DOT1L: variants seen among roughly 807,000 people sequenced by gnomAD.
DOT1L encodes DOT1 like histone lysine methyltransferase.
A neutral mutation model predicts 153.3 loss-of-function variants in DOT1L; 33 were observed. The observed-to-expected ratio is 0.22, with a 90% confidence interval of 0.16 to 0.29. The LOEUF is 0.29. Among genes scored for constraint, DOT1L ranks in the 10% least tolerant of loss-of-function variants. The probability of loss-of-function intolerance (pLI) is 1.00; values close to 1 mark genes in which losing one functional copy is unlikely to be tolerated. For missense variants in DOT1L, 1,847 were observed against 2,119.9 expected (o/e 0.87, Z 2.53); for synonymous variants, 1,135 against 965.1 (o/e 1.18, Z -3.26).
In DOT1L at chr19:2,227,173, G is replaced by T. The variant is rs1451982321; in HGVS notation, c.4606+46G>T. On this transcript the variant is annotated intron_variant, in intron 27 of 27. Coordinates refer to ENST00000398665, the MANE Select transcript of DOT1L (RefSeq NM_032482.3). ...TCCGCCCCCCGCCCCGGCCCCCGCC[G>T]GAGGCCCCTTCCTTTGCAGGTTCCC... 1.9e-6 allele frequency: 3 copies of T among 1,577,974 alleles called. No homozygotes were observed. The African/African-American group carries it at 4.1e-5, about 21-fold the overall frequency.
At chr19:2,196,143 A>T (rs889647406) in intron 7 of DOT1L, among the ~76,000 whole-genome samples, 1 of 152,190 alleles carries the variant, frequency 6.6e-6, no homozygotes, top group Non-Finnish European at 1.5e-5. Context: ...CCCTGTCCCC[A>T]GCTCAGACCC....
intron 6 of DOT1L, among the ~76,000 whole-genome samples, chr19:2,194,249 C>T (rs1198018826): frequency 6.6e-6 from 1 of 152,184 alleles, no homozygotes. Context: ...CGGCTCACTG[C>T]AAGCTCCGCC....
Position 2,221,991 on chromosome 19 carries a change from G to T in DOT1L, c.2822G>T (p.Gly941Val). 1 of 1,608,442 alleles carries T rather than the reference G, an allele frequency of 6.2e-7. No individual in the cohort carries two copies. ...ALAPAGFSYA[G>V]SVAISGALAG... ...TTCCCGGCAGGCTTCTCCTACGCTG[G>T]CTCGGTGGCCATCAGCGGGGCCTTG... The change falls in exon 24 of 28, where the codon GGC becomes GTC. Residue 941 changes from glycine (G) to valine (V), a missense_variant. By Grantham distance (109) the Gly-to-Val change is moderately radical. Transcript: ENST00000398665.
chr19:2,177,067 G>A (rs911786789), intron 1 of DOT1L, among the ~76,000 whole-genome samples: 7 of 152,308 alleles, frequency 4.6e-5, no homozygotes, highest in Middle Eastern at 3.4e-3. Context: ...CAGTGCTTCC[G>A]GCTGCACCCT....
In DOT1L at chr19:2,207,708, A is replaced by G. The variant is rs927687461; in HGVS notation, c.963+28A>G. 6.9e-6 allele frequency: 11 copies of G among 1,584,702 alleles called. No homozygotes were observed. Among genetic ancestry groups the G allele is most frequent in the Non-Finnish European group, 8.6e-6 (10 of 1,164,070 alleles). ...GAGTATCTCGCTGCGCCTCAGCCGCAGGGCCGTCCTGGTCTTCCACCCCGC... is the reference window on the plus strand; with the variant it reads ...GAGTATCTCGCTGCGCCTCAGCCGCGGGGCCGTCCTGGTCTTCCACCCCGC... On this transcript the variant is annotated intron_variant, in intron 11 of 27. Transcript: ENST00000398665. The surrounding 1 kb of genome is among the most constrained non-coding windows in gnomAD (Gnocchi z 4.5).
chr19:2,176,458 A>G (rs1005806571), intron 1 of DOT1L, among the ~76,000 whole-genome samples: 1 of 152,226 alleles, frequency 6.6e-6, no homozygotes, highest in African/African-American at 2.4e-5. Context: ...ACTCATTTTT[A>G]GAAGTACACT....
At chr19:2,199,756 TG>T in intron 7 of DOT1L, 127 bp from the exon 8 acceptor site, 1 of 1,262,986 alleles carries the variant, frequency 7.9e-7, no homozygotes, top group Non-Finnish European at 1.1e-6. Flanking sequence ...CGGTGGGGCC[TG>T]GGCCTCCTCC....
chr19:2,169,357 G>C (rs575388606), intron 1 of DOT1L, among the ~76,000 whole-genome samples: 1 of 152,226 alleles, frequency 6.6e-6, no homozygotes, highest in South Asian at 2.1e-4. Context: ...AGGAATAATA[G>C]AAAAAACCCA....
At chr19:2,227,152 CCCCCCGCCCCGG>C (rs1451745110) in intron 27 of DOT1L, 25 bp downstream of exon 27, 24 of 1,560,520 alleles carry the variant, frequency 1.5e-5, no homozygotes, top group South Asian at 3.5e-5. Context: ...CGTCCGTCCG[CCCCCCGCCCCGG>C]CCCCCGCCGG....
chr19:2,203,755 A>C (rs1478530148), intron 9 of DOT1L, among the ~76,000 whole-genome samples: 1 of 152,232 alleles, frequency 6.6e-6, no homozygotes, highest in African/African-American at 2.4e-5. Context: ...AGCCCCTGCC[A>C]GCCCTCCAGC....
chr19:2,198,715 C>G (rs536277147), intron 7 of DOT1L, among the ~76,000 whole-genome samples: 5 of 152,300 alleles, frequency 3.3e-5, no homozygotes, highest in South Asian at 4.1e-4. Flanking sequence ...CAGGTGCCCT[C>G]ACCCCCAACT....
Position 2,226,678 on chromosome 19 carries a change from G to A in DOT1L, c.4157G>A (p.Gly1386Asp), listed in dbSNP as rs763271310. 2 of 1,575,438 alleles carry A rather than the reference G, an allele frequency of 1.3e-6. No individual in the cohort carries two copies. The highest frequency in any genetic ancestry group is 1.7e-6 in the Non-Finnish European group (2 of 1,165,120). The change falls in exon 27 of 28, where the codon GGC becomes GAC. Residue 1386 changes from glycine to aspartate, a missense_variant. Physicochemically the swap from Gly to Asp is moderately conservative, Grantham distance 94 (BLOSUM62 -1). Transcript: ENST00000398665. ...LAGLKGEGSR[G>D]KEAGEGGLPL... ...GGGCTGAAGGGCGAGGGCAGCCGCG[G>A]CAAGGAGGCAGGGGAGGGCGGCCTA...
intron 3 of DOT1L, among the ~76,000 whole-genome samples, chr19:2,188,493 C>G (rs1047346926): frequency 1.5e-5 from 2 of 133,532 alleles, no homozygotes; most frequent in East Asian, 2.1e-4. Context: ...CCCCCCCCCC[C>G]CACCCGCACA....
At position 2,231,030 on chromosome 19, in the gene DOT1L, C is replaced by A; in HGVS notation, c.*1238C>A. 1 of 236,432 alleles carries A rather than the reference C, an allele frequency of 4.2e-6. No individual in the cohort carries two copies. Among genetic ancestry groups the A allele is most frequent in the Non-Finnish European group, 8.3e-6 (1 of 120,602 alleles). The allele number at this position is 236,432 out of a possible 1,614,324, so 14.6% of individuals were successfully genotyped here. ...TCGGCCCCCCACTCTGCAGCCTTGG[C>A]GGGTGCCTGGGACTGGGTGTGGAAG... On this transcript the variant is annotated 3_prime_UTR_variant, in exon 28 of 28. Transcript: ENST00000398665.
intron 3 of DOT1L, among the ~76,000 whole-genome samples, chr19:2,187,904 A>G (rs1197726699): frequency 6.9e-6 from 1 of 144,776 alleles, no homozygotes; most frequent in Non-Finnish European, 1.5e-5. Flanking sequence ...CCTGGGTGAC[A>G]GAGCGAGACT....
At chr19:2,164,775 C>T (rs2019846314) in intron 1 of DOT1L, among the ~76,000 whole-genome samples, 1 of 152,078 alleles carries the variant, frequency 6.6e-6, no homozygotes, top group Non-Finnish European at 1.5e-5. Context: ...CTTGAGTGGG[C>T]GGGAGCGGTC....
chr19:2,194,450 C>T (rs931737549), intron 6 of DOT1L, 65 bp from the exon 7 acceptor site: 8 of 1,591,298 alleles, frequency 5.0e-6, no homozygotes, highest in South Asian at 3.3e-5. Flanking sequence ...GGATTACAGG[C>T]GTGAGCCACC....
intron 25 of DOT1L, among the ~76,000 whole-genome samples, chr19:2,225,022 C>T (rs902319458): frequency 6.6e-6 from 1 of 152,162 alleles, no homozygotes; most frequent in African/African-American, 2.4e-5. Context: ...ACCTGAGGCA[C>T]CGAGGTCTGA....
chr19:2,192,553 A>C (rs1044879174), intron 5 of DOT1L, among the ~76,000 whole-genome samples: 5 of 151,548 alleles, frequency 3.3e-5, no homozygotes, highest in African/African-American at 1.2e-4. Context: ...CGCGCCTGTA[A>C]TCCCAGCTAC....
Sources: allele counts gnomAD v4.1 joint callset (sites outside exome capture counted in the v4.1 genomes callset), GRCh38; gene constraint gnomAD v4.1.1; non-coding constraint Gnocchi (gnomAD v3.1); transcripts MANE v1.5; gene names NCBI Gene and HGNC (gene_info 2026-07-23, HGNC 2026-07-21).